The following MBNL2 variants were observed in gnomAD, a reference collection of about 807,000 sequenced individuals.
MBNL2 encodes muscleblind like splicing regulator 2.
In MBNL2, 17 loss-of-function variants were observed where a neutral mutation model predicts 41.9. The ratio of observed to expected loss-of-function variants is 0.41; its 90% confidence interval spans 0.28 to 0.61. The LOEUF is 0.61. Ranked by LOEUF, MBNL2 falls within the 20% of genes least tolerant of loss-of-function variation. The probability of loss-of-function intolerance (pLI) is 0.35; values close to 1 mark genes in which losing one functional copy is unlikely to be tolerated. For missense variants in MBNL2, 336 were observed against 505.6 expected (o/e 0.66, Z 3.22); for synonymous variants, 195 against 182.9 (o/e 1.07, Z -0.53).
At chr13:97,289,240 A>G (rs896457375) in intron 2 of MBNL2, among the ~76,000 whole-genome samples, 1 of 152,242 alleles carries the variant, frequency 6.6e-6, no homozygotes, top group African/African-American at 2.4e-5. Flanking sequence ...TAGAATATAT[A>G]GATGCTCTTA....
intron 2 of MBNL2, among the ~76,000 whole-genome samples, chr13:97,277,096 T>C (rs2052321214): frequency 6.6e-6 from 1 of 152,142 alleles, no homozygotes; most frequent in African/African-American, 2.4e-5. Context: ...ATGGAGTCCA[T>C]AGAAGAAAGC....
chr13:97,287,249 G>A (rs539249904), intron 2 of MBNL2, among the ~76,000 whole-genome samples: 36 of 152,230 alleles, frequency 2.4e-4, no homozygotes, highest in African/African-American at 8.2e-4. Flanking sequence ...TTCATGGATC[G>A]GCTTGTTGGG....
chr13:97,346,998 A>C lies in MBNL2; in HGVS notation c.735A>C (p.Lys245Asn). ...CTGCACACTTGCAGGCCAAAATCAAAGCTGCGCAGCACCAAGCCAACCAAG... is the reference window on the plus strand; with the variant it reads ...CTGCACACTTGCAGGCCAAAATCAACGCTGCGCAGCACCAAGCCAACCAAG... ...HPPAHLQAKI[K>N]AAQHQANQAA... The change falls in exon 5 of 9, where the codon AAA (lysine) becomes AAC (asparagine). Residue 245 changes from lysine (K) to asparagine (N), a missense_variant. Transcript: ENST00000679496. The surrounding 1 kb of genome is among the most constrained non-coding windows in gnomAD (Gnocchi z 4.2). 1 of 1,613,748 alleles carries C rather than the reference A, an allele frequency of 6.2e-7. No homozygotes were observed. Among genetic ancestry groups the C allele is most frequent in the Non-Finnish European group, 8.5e-7 (1 of 1,179,738 alleles).
At chr13:97,298,766 A>C (rs2057322403) in intron 2 of MBNL2, among the ~76,000 whole-genome samples, 1 of 152,214 alleles carries the variant, frequency 6.6e-6, no homozygotes, top group Admixed American at 6.5e-5. Flanking sequence ...CTATTAAAGT[A>C]GGGAATGATG....
intron 2 of MBNL2, among the ~76,000 whole-genome samples, chr13:97,305,142 C>T (rs2058010742): frequency 6.6e-6 from 1 of 152,194 alleles, no homozygotes; most frequent in Non-Finnish European, 1.5e-5. Context: ...GGTAAAATTC[C>T]AGTTAGCATC....
intron 1 of MBNL2, among the ~76,000 whole-genome samples, chr13:97,228,716 G>T (rs1306097368): frequency 6.6e-6 from 1 of 151,606 alleles, no homozygotes; most frequent in Non-Finnish European, 1.5e-5. Context: ...TTTTAGTAGA[G>T]ACAGGGTTTC....
chr13:97,200,394 A>T, the MBNL2 span, among the ~76,000 whole-genome samples: 1 of 152,222 alleles, frequency 6.6e-6, no homozygotes, highest in African/African-American at 2.4e-5. Flanking sequence ...ATCTCATGTC[A>T]AATATCTCTT....
chr13:97,336,230 A>G (rs2060871360), intron 3 of MBNL2, among the ~76,000 whole-genome samples: 1 of 152,244 alleles, frequency 6.6e-6, no homozygotes, highest in Non-Finnish European at 1.5e-5. Flanking sequence ...AAATATTTTA[A>G]TAGAGGTTTT....
the MBNL2 span, among the ~76,000 whole-genome samples, chr13:97,155,055 G>A: frequency 1.3e-5 from 2 of 152,132 alleles, no homozygotes; most frequent in Non-Finnish European, 2.9e-5. Flanking sequence ...GTTCAATTGT[G>A]AGATGAGCCC....
chr13:97,200,363 T>C, the MBNL2 span, among the ~76,000 whole-genome samples: 3 of 152,234 alleles, frequency 2.0e-5, no homozygotes, highest in Non-Finnish European at 4.4e-5. Flanking sequence ...GCAGGAAAGA[T>C]GGCTGCTGGG....
chr13:97,179,048 G>A, the MBNL2 span, among the ~76,000 whole-genome samples: 1 of 152,170 alleles, frequency 6.6e-6, no homozygotes, highest in South Asian at 2.1e-4. Context: ...AATAATCAAA[G>A]ACCTGATCAT....
chr13:97,162,612 A>G, the MBNL2 span, among the ~76,000 whole-genome samples: 4 of 152,200 alleles, frequency 2.6e-5, no homozygotes, highest in Non-Finnish European at 5.9e-5. Flanking sequence ...ATGTGTATCT[A>G]GCGCTCCTCA....
At chr13:97,330,141 C>A (rs2060308704) in intron 2 of MBNL2, among the ~76,000 whole-genome samples, 1 of 152,228 alleles carries the variant, frequency 6.6e-6, no homozygotes, top group South Asian at 2.1e-4. Context: ...ATAGTAGAAT[C>A]TCAAGAAATA....
the MBNL2 span, among the ~76,000 whole-genome samples, chr13:97,168,695 A>G: frequency 6.6e-6 from 1 of 152,220 alleles, no homozygotes; most frequent in African/African-American, 2.4e-5. Flanking sequence ...AAGAGATACC[A>G]ATATAATGTA....
chr13:97,197,847 G>A, the MBNL2 span, among the ~76,000 whole-genome samples: 1 of 152,236 alleles, frequency 6.6e-6, no homozygotes, highest in East Asian at 1.9e-4. Context: ...TTTTGTGGTT[G>A]TTTTTATTTA....
rs571993393 is a variant in MBNL2, at chr13:97,243,743, A to T, written c.-605+21212A>T. Among the ~76,000 whole-genome samples the T allele has an allele frequency of 2.0e-5, 3 of 152,294 alleles. No individual in the cohort carries two copies. In the East Asian group the frequency reaches 5.8e-4, roughly 29 times the overall value. On this transcript the variant is annotated intron_variant, in intron 1 of 8. Transcript: ENST00000679496. ...CTCCTCCCCACCCTTGGAGGGGGAA[A>T]AAACAACAAACGAATTAAGAGCTAA... is the stretch of plus-strand genomic sequence containing the variant.
intron 2 of MBNL2, among the ~76,000 whole-genome samples, chr13:97,290,650 T>C (rs1196837458): frequency 6.9e-6 from 1 of 143,896 alleles, no homozygotes; most frequent in South Asian, 2.1e-4. Flanking sequence ...CAGTCCGCAG[T>C]CTGGCCTGGG....
chr13:97,220,325 C>T (rs1344618699), upstream of MBNL2, among the ~76,000 whole-genome samples: 3 of 152,154 alleles, frequency 2.0e-5, no homozygotes, highest in Non-Finnish European at 4.4e-5. Flanking sequence ...TTAAGGGTTT[C>T]AAAGCGTCTG....
At chr13:97,161,200 G>A in the MBNL2 span, among the ~76,000 whole-genome samples, 1 of 152,268 alleles carries the variant, frequency 6.6e-6, no homozygotes, top group East Asian at 1.9e-4. Flanking sequence ...GGTTCCCAAT[G>A]GCATTTAGCA....
Sources: allele counts gnomAD v4.1 joint callset (sites outside exome capture counted in the v4.1 genomes callset), GRCh38; gene constraint gnomAD v4.1.1; non-coding constraint Gnocchi (gnomAD v3.1); transcripts MANE v1.5; gene names NCBI Gene and HGNC (gene_info 2026-07-23, HGNC 2026-07-21).